The following CNTN1 variants were observed in gnomAD, a reference collection of about 807,000 sequenced individuals.
CNTN1 encodes contactin-1.
CNTN1 carries 38 observed loss-of-function variants against 126.4 expected under a neutral mutation model. That is an observed-to-expected ratio of 0.30 (90% CI 0.23 to 0.39). CNTN1 has a LOEUF of 0.39. Among genes scored for constraint, CNTN1 ranks in the 10% least tolerant of loss-of-function variants. The pLI, the probability that CNTN1 is intolerant of heterozygous loss-of-function variation, is 1.00. For missense variants in CNTN1, 1,009 were observed against 1,248.4 expected (o/e 0.81, Z 2.89); for synonymous variants, 413 against 422.6 (o/e 0.98, Z 0.28).
At chr12:40,862,963 TTTCTC>T (rs1447634199) in intron 1 of CNTN1, among the ~76,000 whole-genome samples, 2 of 152,198 alleles carry the variant, frequency 1.3e-5, no homozygotes, top group African/African-American at 4.8e-5. Context: ...ATTTACATCT[TTTCTC>T]TACCTTATTA....
rs1555179743 is a variant in CNTN1 at position 40,917,063 on chromosome 12, G to GA, written c.95-1576_95-1575insA. Among the ~76,000 whole-genome samples, 5 of 65,576 alleles carry GA rather than the reference G, an allele frequency of 7.6e-5. No homozygotes were observed. The South Asian group carries it at 2.4e-3, about 31-fold the overall frequency. The allele number at this position is 65,576 out of a possible 152,430, so 43.0% of individuals were successfully genotyped here. A position where few individuals can be genotyped will look rare whatever the true frequency, so the allele number is the denominator to read the frequency against. On this transcript the variant is annotated intron_variant, in intron 3 of 23. Transcript: ENST00000551295. The stretch of plus-strand genomic sequence containing the variant: ...ATTCTTCATACCAGTGGTGGGGGCG[G>GA]GGGGGGGGGCAGAACTAACTTGAGG...
At chr12:40,760,435 CT>C in intron 1 of CNTN1, among the ~76,000 whole-genome samples, 1 of 151,840 alleles carries the variant, frequency 6.6e-6, no homozygotes, top group South Asian at 2.1e-4. Flanking sequence ...ACAAACACTG[CT>C]ACCAACATTA....
At chr12:41,054,231 G>T (rs1198863647) in intron 23 of CNTN1, among the ~76,000 whole-genome samples, 2 of 151,650 alleles carry the variant, frequency 1.3e-5, no homozygotes, top group African/African-American at 4.8e-5. Context: ...AATAAATTTT[G>T]CTAGGAGTTA....
At chr12:41,067,238 G>T (rs1480258871) in intron 23 of CNTN1, among the ~76,000 whole-genome samples, 1 of 152,092 alleles carries the variant, frequency 6.6e-6, no homozygotes, top group Admixed American at 6.5e-5. Context: ...AACATGGAGA[G>T]TTTATTTCAA....
intron 1 of CNTN1, among the ~76,000 whole-genome samples, chr12:40,904,240 AATCTCCTGACCTCGTG>A (rs1195335050): frequency 6.6e-6 from 1 of 151,712 alleles, no homozygotes; most frequent in East Asian, 2.0e-4. Flanking sequence ...GGATGGTCTC[AATCTCCTGACCTCGTG>A]ATCCGTCCAC....
At chr12:40,866,076 T>TATTGTAAATTTAATTATTTTTAA (rs1943284906) in intron 1 of CNTN1, among the ~76,000 whole-genome samples, 1 of 151,834 alleles carries the variant, frequency 6.6e-6, no homozygotes, top group Admixed American at 6.6e-5. Flanking sequence ...GTCTTGGTGC[T>TATTGTAAATTTAATTATTTTTAA]ATTGTAAATT....
chr12:40,710,349 C>A (rs1265902098), intron 1 of CNTN1, among the ~76,000 whole-genome samples: 1 of 152,118 alleles, frequency 6.6e-6, no homozygotes, highest in Non-Finnish European at 1.5e-5. Context: ...TACGTAGGTG[C>A]AGTTCATGGC....
intron 1 of CNTN1, among the ~76,000 whole-genome samples, chr12:40,721,804 T>C (rs1165795167): frequency 1.3e-5 from 2 of 150,220 alleles, no homozygotes; most frequent in East Asian, 2.0e-4. Context: ...ATGCAGTGTT[T>C]GGTTTTTTGT....
At chr12:40,906,436 C>T (rs781046529) in intron 1 of CNTN1, among the ~76,000 whole-genome samples, 7 of 151,910 alleles carry the variant, frequency 4.6e-5, no homozygotes, top group Non-Finnish European at 8.8e-5. Context: ...TTACCATGGT[C>T]CAGGTAAAAA....
chr12:40,873,942 A>G (rs1215677463), intron 1 of CNTN1, among the ~76,000 whole-genome samples: 3 of 152,142 alleles, frequency 2.0e-5, no homozygotes, highest in Admixed American at 2.0e-4. Flanking sequence ...CCTGCTACAT[A>G]TAGAGACAGG....
intron 1 of CNTN1, among the ~76,000 whole-genome samples, chr12:40,900,943 A>C (rs150710948): frequency 6.6e-6 from 1 of 152,354 alleles, no homozygotes; most frequent in African/African-American, 2.4e-5. Flanking sequence ...GATGATTTAC[A>C]TGAAGAATCT....
At chr12:40,990,167 T>A (rs569409904) in intron 16 of CNTN1, among the ~76,000 whole-genome samples, 1 of 152,338 alleles carries the variant, frequency 6.6e-6, no homozygotes, top group East Asian at 1.9e-4. Flanking sequence ...GTTTTAGATA[T>A]TTGTATTCTC....
chr12:40,863,788 T>A (rs962895868), intron 1 of CNTN1, among the ~76,000 whole-genome samples: 4 of 151,964 alleles, frequency 2.6e-5, no homozygotes, highest in South Asian at 4.1e-4. Context: ...CATCCTGAAA[T>A]CATTCCTTCT....
intron 15 of CNTN1, among the ~76,000 whole-genome samples, chr12:40,967,176 A>G (rs1191211836): frequency 6.6e-6 from 1 of 151,856 alleles, no homozygotes; most frequent in Admixed American, 6.6e-5. Context: ...CATCTCAAAT[A>G]ATAATAATTA....
intron 17 of CNTN1, among the ~76,000 whole-genome samples, chr12:41,004,755 C>G (rs932755413): frequency 6.6e-6 from 1 of 152,138 alleles, no homozygotes; most frequent in Non-Finnish European, 1.5e-5. Context: ...ATTGCAAACC[C>G]TACTTTTTAC....
At chr12:40,916,654 C>G (rs1327217239) in intron 3 of CNTN1, among the ~76,000 whole-genome samples, 1 of 152,030 alleles carries the variant, frequency 6.6e-6, no homozygotes, top group East Asian at 1.9e-4. Flanking sequence ...GAACTAGAGA[C>G]AACCTACAAC....
At chr12:40,697,200 C>T (rs1289904785) in intron 1 of CNTN1, among the ~76,000 whole-genome samples, 1 of 152,124 alleles carries the variant, frequency 6.6e-6, no homozygotes, top group East Asian at 1.9e-4. Context: ...ATTGCTTCCC[C>T]CAAAATGTAA....
intron 1 of CNTN1, among the ~76,000 whole-genome samples, chr12:40,755,561 T>TA (rs1003770678): frequency 2.3e-4 from 34 of 150,634 alleles, no homozygotes; most frequent in Admixed American, 1.3e-3. Context: ...AATATTTAAT[T>TA]AAAAAAAAAC....
In CNTN1 at chr12:40,924,651, A is replaced by G. The variant is rs751830078; in HGVS notation, c.495A>G (p.Pro165=). ...TCTGTGACCCCCCATACCATTTTCCAGGTAAACTTAATTCCTCTCTGACTA... is the reference window on the plus strand; with the variant it reads ...TCTGTGACCCCCCATACCATTTTCCGGGTAAACTTAATTCCTCTCTGACTA... ...VLLCDPPYHF[P]DDLSYRWLLN... is the part of the protein sequence containing the mutation. The change falls in exon 6 of 24, where the codon CCA becomes CCG. Residue 165 remains proline, a splice_region_variant and synonymous_variant. Coordinates refer to ENST00000551295, the MANE Select transcript of CNTN1 (RefSeq NM_001843.4). 3.2e-5 allele frequency: 50 copies of G among 1,554,278 alleles called. No individual in the cohort carries two copies. The highest frequency in any genetic ancestry group is 1.7e-4 in the Middle Eastern group (1 of 5,956).
Sources: allele counts gnomAD v4.1 joint callset (sites outside exome capture counted in the v4.1 genomes callset), GRCh38; gene constraint gnomAD v4.1.1; transcripts MANE v1.5; gene names NCBI Gene and HGNC (gene_info 2026-07-23, HGNC 2026-07-21).